The following NHEJ1 variants were observed in gnomAD, a reference collection of about 807,000 sequenced individuals.
NHEJ1 encodes non-homologous end-joining factor 1.
Under a neutral mutation model 39.4 loss-of-function variants are expected in NHEJ1, and 22 were observed. The observed-to-expected ratio is 0.56, with a 90% CI of 0.40 to 0.80. The LOEUF (loss-of-function observed/expected upper bound fraction) is 0.80. Among genes scored for constraint, NHEJ1 ranks in the 30% least tolerant of loss-of-function variants. The probability of loss-of-function intolerance (pLI) is 0.00; values close to 1 mark genes in which losing one functional copy is unlikely to be tolerated. For missense variants in NHEJ1, 329 were observed against 357.1 expected (o/e 0.92, Z 0.63); for synonymous variants, 154 against 135.6 (o/e 1.14, Z -0.94).
At chr2:219,099,258 G>A (rs987782501) in intron 5 of NHEJ1, among the ~76,000 whole-genome samples, 6 of 152,302 alleles carry the variant, frequency 3.9e-5, no homozygotes, top group Non-Finnish European at 5.9e-5. Context: ...TCATGCTGGA[G>A]GGCTGTCCTG....
intron 5 of NHEJ1, among the ~76,000 whole-genome samples, chr2:219,087,855 T>G (rs1949125453): frequency 6.6e-6 from 1 of 152,178 alleles, no homozygotes; most frequent in Admixed American, 6.5e-5. Flanking sequence ...GAGAAAATAC[T>G]TGCAATACAT....
chr2:219,128,835 C>T (rs1394566871), intron 5 of NHEJ1, among the ~76,000 whole-genome samples: 1 of 152,190 alleles, frequency 6.6e-6, no homozygotes, highest in Non-Finnish European at 1.5e-5. Flanking sequence ...CACTGTGGGG[C>T]CATAGGTAGC....
chr2:219,135,915 G>A (rs1375020534), intron 5 of NHEJ1, among the ~76,000 whole-genome samples: 1 of 152,170 alleles, frequency 6.6e-6, no homozygotes, highest in Non-Finnish European at 1.5e-5. Context: ...GGCAGAGTTG[G>A]TAACTTCCTT....
intron 5 of NHEJ1, among the ~76,000 whole-genome samples, chr2:219,108,890 AC>A (rs1949338082): frequency 2.0e-5 from 3 of 152,298 alleles, no homozygotes; most frequent in Non-Finnish European, 2.9e-5. Context: ...TTAGTTCTAT[AC>A]CTGTGCTACA....
Position 219,072,430 on chromosome 2 carries a change from T to G in NHEJ1, c.*3951A>C, listed in dbSNP as rs1948970365. ...TTGAGCTCTGAGTTTGGTGGCTTCC[T>G]TGCAGTATGTCACTTATTCCTTTCT... is the stretch of plus-strand genomic sequence containing the variant. On this transcript the variant is annotated 3_prime_UTR_variant, in exon 8 of 8. Transcript: ENST00000356853. Among the ~76,000 whole-genome samples, 1 of 152,230 alleles carries G rather than the reference T, an allele frequency of 6.6e-6. No individual in the cohort carries two copies. The highest frequency in any genetic ancestry group is 1.5e-5 in the Non-Finnish European group (1 of 68,040).
At chr2:219,100,278 G>A (rs1949244447) in intron 5 of NHEJ1, among the ~76,000 whole-genome samples, 1 of 152,058 alleles carries the variant, frequency 6.6e-6, no homozygotes. Context: ...CAGGGTCTTC[G>A]AAGGTCCAGG....
chr2:219,128,782 CCT>C (rs545779130), intron 5 of NHEJ1, among the ~76,000 whole-genome samples: 28 of 152,288 alleles, frequency 1.8e-4, no homozygotes, highest in Admixed American at 9.2e-4. Flanking sequence ...GACCACAACC[CCT>C]GTTTGCTTTT....
intron 5 of NHEJ1, among the ~76,000 whole-genome samples, chr2:219,086,302 G>A (rs1949111525): frequency 6.6e-6 from 1 of 152,150 alleles, no homozygotes. Context: ...CTTGACTAAG[G>A]TCACAGCAAA....
At chr2:219,118,689 G>A (rs780876596) in intron 5 of NHEJ1, among the ~76,000 whole-genome samples, 1 of 152,170 alleles carries the variant, frequency 6.6e-6, no homozygotes, top group African/African-American at 2.4e-5. Flanking sequence ...GGAACCAAAG[G>A]GGCCACAGGG....
chr2:219,078,123 TTG>T lies in NHEJ1; in HGVS notation c.670_671del (p.Gln224ArgfsTer27), dbSNP rs2106320090. ...LQDLYMAVTTQEVQVGQKHQG... is the reference protein window; with the variant it reads ...LQDLYMAVTTXEVQVGQKHQG... ...GATGCTTCTGTCCCACTTGGACCTC[TTG>T]TGTGGTGACTGCCATATACAGATCC... is the stretch of plus-strand genomic sequence containing the variant. On this transcript the variant is annotated frameshift_variant, in exon 6 of 8. Coordinates refer to ENST00000356853, the MANE Select transcript of NHEJ1 (RefSeq NM_024782.3). LOFTEE classifies it high-confidence loss of function. 3 of 1,614,242 alleles carry T rather than the reference TTG, an allele frequency of 1.9e-6. No homozygotes were observed. The highest frequency in any genetic ancestry group is 2.5e-6 in the Non-Finnish European group (3 of 1,180,044).
At chr2:219,154,059 A>T (rs1949825239) in intron 3 of NHEJ1, among the ~76,000 whole-genome samples, 1 of 152,260 alleles carries the variant, frequency 6.6e-6, no homozygotes, top group African/African-American at 2.4e-5. Context: ...CTGACAGCAG[A>T]TCAATTAAAT....
At chr2:219,115,524 G>T (rs1442983111) in intron 5 of NHEJ1, among the ~76,000 whole-genome samples, 2 of 152,116 alleles carry the variant, frequency 1.3e-5, no homozygotes, top group Non-Finnish European at 2.9e-5. Flanking sequence ...AATATGTATC[G>T]ATCAGCCACA....
intron 3 of NHEJ1, among the ~76,000 whole-genome samples, chr2:219,150,754 A>C (rs1559203265): frequency 6.6e-6 from 1 of 152,072 alleles, no homozygotes; most frequent in Non-Finnish European, 1.5e-5. Context: ...TCAGGAGTTC[A>C]AGATCAGCCT....
At chr2:219,078,899 G>A (rs1018555010) in intron 5 of NHEJ1, among the ~76,000 whole-genome samples, 3 of 152,130 alleles carry the variant, frequency 2.0e-5, no homozygotes, top group Admixed American at 6.5e-5. Flanking sequence ...TACATAAATA[G>A]ATTTTTTGGT....
intron 5 of NHEJ1, among the ~76,000 whole-genome samples, chr2:219,133,390 G>C (rs1032847079): frequency 2.0e-5 from 3 of 152,246 alleles, no homozygotes; most frequent in African/African-American, 7.2e-5. Context: ...CAATGTGAGA[G>C]AGTCCTCTCA....
chr2:219,074,093 G>A lies in NHEJ1; in HGVS notation c.*2288C>T, dbSNP rs1298009048. On this transcript the variant is annotated 3_prime_UTR_variant, in exon 8 of 8. Coordinates refer to ENST00000356853, the MANE Select transcript of NHEJ1 (RefSeq NM_024782.3). ...CTGTGGCAGGGCCTCTGGTAGCAAT[G>A]TTTCTCTAACAACGTATTTAAGCAA... Among the ~76,000 whole-genome samples, 1 of 152,236 alleles carries A rather than the reference G, an allele frequency of 6.6e-6. No homozygotes were observed. Among genetic ancestry groups the A allele is most frequent in the Non-Finnish European group, 1.5e-5 (1 of 68,042 alleles).
chr2:219,108,376 GT>G (rs1949332672), intron 5 of NHEJ1, among the ~76,000 whole-genome samples: 1 of 152,114 alleles, frequency 6.6e-6, no homozygotes, highest in South Asian at 2.1e-4. Context: ...TGAAAGATAG[GT>G]TTTGGCTATC....
intron 3 of NHEJ1, among the ~76,000 whole-genome samples, chr2:219,154,537 T>A (rs780939877): frequency 2.0e-5 from 3 of 152,190 alleles, no homozygotes; most frequent in African/African-American, 7.2e-5. Context: ...ATTATGACTG[T>A]GTGACCTTAC....
At chr2:219,137,579 A>ACAAAAAAAC (rs1949644431) in intron 5 of NHEJ1, among the ~76,000 whole-genome samples, 1 of 141,154 alleles carries the variant, frequency 7.1e-6, no homozygotes, top group Non-Finnish European at 1.6e-5. Context: ...GCAAAAAAAA[A>ACAAAAAAAC]AAAAAAAAAA....
Sources: allele counts gnomAD v4.1 joint callset (sites outside exome capture counted in the v4.1 genomes callset), GRCh38; gene constraint gnomAD v4.1.1; transcripts MANE v1.5; gene names NCBI Gene and HGNC (gene_info 2026-07-23, HGNC 2026-07-21).